Variants in CTNNA2 observed in about 807,000 individuals in gnomAD.
CTNNA2 encodes catenin alpha 2, also known as catenin alpha-2.
A neutral mutation model predicts 101.0 loss-of-function variants in CTNNA2; 42 were observed. That is an observed-to-expected ratio of 0.42 (90% CI 0.32 to 0.54). The LOEUF (loss-of-function observed/expected upper bound fraction) is 0.54. Among genes scored for constraint, CTNNA2 ranks in the 20% least tolerant of loss-of-function variants. CTNNA2 has a pLI of 0.14. For missense variants in CTNNA2, 871 were observed against 1,223.1 expected (o/e 0.71, Z 4.29); for synonymous variants, 450 against 456.4 (o/e 0.99, Z 0.18).
At chr2:79,980,552 T>C (rs1398538729) in intron 7 of CTNNA2, among the ~76,000 whole-genome samples, 1 of 152,148 alleles carries the variant, frequency 6.6e-6, no homozygotes, top group Non-Finnish European at 1.5e-5. Flanking sequence ...AATTACATTT[T>C]GAAACCTCAT....
At position 80,555,792 on chromosome 2, in the gene CTNNA2, C is replaced by T; in HGVS notation, c.1640C>T (p.Ala547Val). The T allele has an allele frequency of 6.2e-7, 1 of 1,600,208 alleles. No homozygotes were observed. Among genetic ancestry groups the T allele is most frequent in the Non-Finnish European group, 8.5e-7 (1 of 1,173,434 alleles). Residue 547 changes from alanine to valine, a missense_variant, in exon 12 of 19, where the codon GCA becomes GTA. Around this residue, in one of 5 missense-constraint regions of CTNNA2, gnomAD observed 647 missense variants for 831.5 expected, o/e 0.78. Transcript: ENST00000402739. ...ACTGCAGGGGCCATCAGGGGCCGGG[C>T]AGCTCGAGTCATACACATCATCAAT... is the stretch of plus-strand genomic sequence containing the variant. ...DRTAGAIRGR[A>V]ARVIHIINAE...
chr2:79,821,023 C>G (rs1677959090), intron 3 of CTNNA2, among the ~76,000 whole-genome samples: 1 of 151,960 alleles, frequency 6.6e-6, no homozygotes, highest in Non-Finnish European at 1.5e-5. Flanking sequence ...ATAACATAAA[C>G]AAAATAAATC....
intron 2 of CTNNA2, among the ~76,000 whole-genome samples, chr2:79,279,977 T>C (rs562377244): frequency 5.2e-4 from 79 of 152,216 alleles, no homozygotes; most frequent in African/African-American, 1.8e-3. Context: ...ATCCTGAAAA[T>C]GTATTCAACC....
intron 1 of CTNNA2, among the ~76,000 whole-genome samples, chr2:79,543,752 A>G (rs181742749): frequency 1.3e-5 from 2 of 152,222 alleles, no homozygotes; most frequent in Non-Finnish European, 2.9e-5. Context: ...CATTGTGTCC[A>G]TCTGTTTTAC....
chr2:79,575,737 G>A (rs1675755041), intron 1 of CTNNA2: 1 of 152,166 alleles, frequency 6.6e-6, no homozygotes, highest in Admixed American at 6.6e-5. Flanking sequence ...AGAAAAAGCA[G>A]GAAGCCCTGA....
At chr2:80,243,874 G>T (rs1024297176) in intron 7 of CTNNA2, among the ~76,000 whole-genome samples, 7 of 152,140 alleles carry the variant, frequency 4.6e-5, no homozygotes, top group Admixed American at 4.6e-4. Flanking sequence ...TTCCAAAGAG[G>T]CTGTACCATT....
At chr2:79,793,941 C>G (rs1675490503) in intron 3 of CTNNA2, among the ~76,000 whole-genome samples, 1 of 141,970 alleles carries the variant, frequency 7.0e-6, no homozygotes, top group South Asian at 2.2e-4. Flanking sequence ...ATAAAACATA[C>G]AAGAATAAGA....
At chr2:80,079,487 G>C (rs1023813115) in intron 7 of CTNNA2, among the ~76,000 whole-genome samples, 1 of 152,100 alleles carries the variant, frequency 6.6e-6, no homozygotes, top group Non-Finnish European at 1.5e-5. Flanking sequence ...AGATAGCCCT[G>C]CCTCTAGGAG....
intron 9 of CTNNA2, among the ~76,000 whole-genome samples, chr2:80,523,667 A>C (rs1689774680): frequency 6.6e-6 from 1 of 152,190 alleles, no homozygotes; most frequent in Admixed American, 6.5e-5. Flanking sequence ...ACATGCAGCC[A>C]GCAGCTTGCA....
rs71385265 is a variant in CTNNA2, at chr2:79,294,995, ATG to A, written c.-405-17696_-405-17695del. Among the ~76,000 whole-genome samples, 796 of 150,630 alleles carry A rather than the reference ATG, an allele frequency of 5.3e-3. 11 individuals carry two copies. Among genetic ancestry groups the A allele is most frequent in the African/African-American group, 0.017 (716 of 40,960 alleles). On this transcript the variant is annotated intron_variant, in intron 2 of 21. Coordinates refer to the CTNNA2 transcript ENST00000466387. ...CACAATTGCACTTGTGTGTGAGTTC[ATG>A]TGTGTGTGTGTGTGTGTATTTGTGT...
rs1420788841 is a variant in CTNNA2 at position 79,330,655 on chromosome 2, G to A, written c.-318+17859G>A. Among the ~76,000 whole-genome samples, 4 of 152,126 alleles carry A rather than the reference G, an allele frequency of 2.6e-5. No homozygotes were observed. In the South Asian group the frequency reaches 8.3e-4, roughly 32 times the overall value. On this transcript the variant is annotated intron_variant, in intron 3 of 21. Coordinates refer to the CTNNA2 transcript ENST00000466387. ...AGTAGGAGGTAATTGAATCATGGGGGCAGACTTTCCTGTGCTGTTCGCATG... is the reference window on the plus strand; with the variant it reads ...AGTAGGAGGTAATTGAATCATGGGGACAGACTTTCCTGTGCTGTTCGCATG...
chr2:79,468,098 G>C (rs1670958846), intron 4 of CTNNA2, among the ~76,000 whole-genome samples: 1 of 152,110 alleles, frequency 6.6e-6, no homozygotes, highest in Admixed American at 6.5e-5. Flanking sequence ...TAGATAAAGA[G>C]TCAAGACCCA....
chr2:79,802,941 G>T (rs1465247042), intron 3 of CTNNA2, among the ~76,000 whole-genome samples: 3 of 152,086 alleles, frequency 2.0e-5, no homozygotes, highest in Non-Finnish European at 4.4e-5. Context: ...ATCAGATATT[G>T]GCTTTAAAAC....
intron 9 of CTNNA2, among the ~76,000 whole-genome samples, chr2:80,509,784 G>T (rs2149549338): frequency 6.6e-6 from 1 of 152,254 alleles, no homozygotes; most frequent in Non-Finnish European, 1.5e-5. Context: ...GACAGTCCTT[G>T]TCTCCACACA....
rs368485836 is a variant in CTNNA2 at position 79,982,717 on chromosome 2, C to T, written c.1056+72920C>T. ...TTTGGTCTGTCGTCCTCAGTGCTTG[C>T]GTTTTTTTCTCTGGGAAATTTTGCT... On this transcript the variant is annotated intron_variant, in intron 7 of 18. Coordinates refer to ENST00000402739, the MANE Select transcript of CTNNA2 (RefSeq NM_001282597.3). Among the ~76,000 whole-genome samples, 16 of 152,000 alleles carry T rather than the reference C, an allele frequency of 1.1e-4. No individual in the cohort carries two copies. The East Asian group carries it at 1.2e-3, about 11-fold the overall frequency.
intron 2 of CTNNA2, among the ~76,000 whole-genome samples, chr2:79,212,950 G>A (rs1237803924): frequency 4.6e-5 from 7 of 152,184 alleles, no homozygotes; most frequent in Non-Finnish European, 8.8e-5. Flanking sequence ...ATGATGCAAA[G>A]GAAATGAGAG....
chr2:80,619,985 C>T (rs557411374), intron 18 of CTNNA2, among the ~76,000 whole-genome samples: 49 of 151,936 alleles, frequency 3.2e-4, no homozygotes, highest in African/African-American at 1.2e-3. Flanking sequence ...AAGAAAAGAT[C>T]AACTGGAGCG....
intron 2 of CTNNA2, among the ~76,000 whole-genome samples, chr2:79,273,188 C>G (rs1292927485): frequency 6.6e-6 from 1 of 151,998 alleles, no homozygotes; most frequent in Non-Finnish European, 1.5e-5. Context: ...TGTATCAGGA[C>G]TGTTCCAGAG....
chr2:79,515,094 C>G (rs1276823320), intron 1 of CTNNA2, among the ~76,000 whole-genome samples: 1 of 152,136 alleles, frequency 6.6e-6, no homozygotes, highest in African/African-American at 2.4e-5. Flanking sequence ...TCCTTCAACT[C>G]CCCATGGTAG....
Sources: gnomAD v4.1 joint callset for allele counts (sites outside exome capture counted in the v4.1 genomes callset) on GRCh38, gnomAD v4.1.1 for gene constraint, gnomAD v4.1.1 regional missense constraint, MANE v1.5 for transcripts, NCBI Gene and HGNC (gene_info 2026-07-23, HGNC 2026-07-21) for gene names.